NEGR1: variants seen among roughly 807,000 people sequenced by gnomAD.
NEGR1 encodes the protein IgLON family member 4.
Under a neutral mutation model 40.9 loss-of-function variants are expected in NEGR1, and 10 were observed. The ratio of observed to expected loss-of-function variants is 0.24; its 90% CI spans 0.15 to 0.42. NEGR1 has a LOEUF of 0.42. Among genes scored for constraint, NEGR1 ranks in the 10% least tolerant of loss-of-function variants. The pLI is 1.00. For synonymous variants in NEGR1, 185 were observed against 166.8 expected (o/e 1.11, Z -0.84); for missense variants, 352 against 438.9 (o/e 0.80, Z 1.77).
chr1:71,753,062 T>C (rs540278016), intron 3 of NEGR1, among the ~76,000 whole-genome samples: 21 of 152,166 alleles, frequency 1.4e-4, no homozygotes, highest in Non-Finnish European at 2.4e-4. Context: ...ACGACTCAGA[T>C]ACTAGTTGTA....
At chr1:72,176,046 A>T (rs562432185) in intron 1 of NEGR1, among the ~76,000 whole-genome samples, 9 of 152,256 alleles carry the variant, frequency 5.9e-5, no homozygotes, top group African/African-American at 2.2e-4. Context: ...TTTTATGAAG[A>T]CTTTCTCAGA....
chr1:71,425,533 G>T (rs760201974), intron 6 of NEGR1, among the ~76,000 whole-genome samples: 2 of 151,878 alleles, frequency 1.3e-5, no homozygotes, highest in African/African-American at 2.4e-5. Context: ...TTATAAATCC[G>T]GGATTACTCC....
chr1:71,538,228 C>T (rs1168615008), intron 6 of NEGR1, among the ~76,000 whole-genome samples: 1 of 151,510 alleles, frequency 6.6e-6, no homozygotes, highest in Non-Finnish European at 1.5e-5. Context: ...TTGTAATGGC[C>T]CTCTCTATAG....
At chr1:72,076,557 C>T (rs543293473) in intron 1 of NEGR1, among the ~76,000 whole-genome samples, 2 of 146,692 alleles carry the variant, frequency 1.4e-5, no homozygotes, top group South Asian at 4.7e-4. Flanking sequence ...AATTACACCA[C>T]TGGTGATGCT....
intron 6 of NEGR1, among the ~76,000 whole-genome samples, chr1:71,548,245 C>T (rs1647965664): frequency 6.6e-6 from 1 of 151,728 alleles, no homozygotes; most frequent in Admixed American, 6.6e-5. Flanking sequence ...ACTAATACAG[C>T]TCCATCACTT....
chr1:71,452,897 A>T (rs6680889), intron 6 of NEGR1, among the ~76,000 whole-genome samples: 22,655 of 152,074 alleles, frequency 0.15, 1,899 homozygotes, highest in Non-Finnish European at 0.19. Flanking sequence ...AAATACATAT[A>T]ACAGATTTAT....
At chr1:72,170,772 T>C (rs901900732) in intron 1 of NEGR1, among the ~76,000 whole-genome samples, 1 of 152,206 alleles carries the variant, frequency 6.6e-6, no homozygotes, top group African/African-American at 2.4e-5. Flanking sequence ...ACTGTTGTTT[T>C]TGGGTTTCCT....
chr1:71,629,320 T>C lies in NEGR1; in HGVS notation c.668-18174A>G, dbSNP rs961695408. Among the ~76,000 whole-genome samples, 20 of 152,052 alleles carry C rather than the reference T, an allele frequency of 1.3e-4. 1 individual carries two copies. Among genetic ancestry groups the C allele is most frequent in the African/African-American group, 4.3e-4 (18 of 41,408 alleles). Reference sequence around the variant, plus strand: ...GATAGCATTGAATCTATAAATTACTTTGGGCAATATGGCCATTTTCATGAT... The same window carrying C: ...GATAGCATTGAATCTATAAATTACTCTGGGCAATATGGCCATTTTCATGAT... On this transcript the variant is annotated intron_variant, in intron 4 of 6. Transcript: ENST00000357731.
At chr1:71,584,091 G>T (rs959408839) in intron 6 of NEGR1, among the ~76,000 whole-genome samples, 1 of 152,158 alleles carries the variant, frequency 6.6e-6, no homozygotes, top group African/African-American at 2.4e-5. Flanking sequence ...GTCTGGCTTG[G>T]TTTATTCAAA....
intron 1 of NEGR1, among the ~76,000 whole-genome samples, chr1:71,942,076 T>A (rs902684107): frequency 6.6e-6 from 1 of 151,094 alleles, no homozygotes; most frequent in African/African-American, 2.4e-5. Flanking sequence ...TTACTTCTTG[T>A]GTAATAGCAA....
intron 1 of NEGR1, among the ~76,000 whole-genome samples, chr1:72,019,902 T>C (rs1646742157): frequency 6.6e-6 from 1 of 152,216 alleles, no homozygotes; most frequent in Non-Finnish European, 1.5e-5. Flanking sequence ...ATGGAGCGCT[T>C]ATGTGGCTAA....
At chr1:72,106,887 T>C (rs181110978) in intron 1 of NEGR1, among the ~76,000 whole-genome samples, 196 of 152,046 alleles carry the variant, frequency 1.3e-3, no homozygotes, top group Non-Finnish European at 2.4e-3. Flanking sequence ...CAGATATAGA[T>C]ATATGACAAT....
At chr1:72,226,003 T>C (rs1044247416) in intron 1 of NEGR1, among the ~76,000 whole-genome samples, 1 of 151,772 alleles carries the variant, frequency 6.6e-6, no homozygotes, top group Non-Finnish European at 1.5e-5. Flanking sequence ...GACAAAAAAC[T>C]TCAGAAGATG....
intron 2 of NEGR1, among the ~76,000 whole-genome samples, chr1:71,921,694 C>T (rs969598449): frequency 8.6e-6 from 1 of 115,624 alleles, no homozygotes; most frequent in African/African-American, 3.5e-5. Flanking sequence ...AGAATAGATA[C>T]AGTACAAGAA....
At chr1:71,638,932 G>A (rs923393526) in intron 4 of NEGR1, among the ~76,000 whole-genome samples, 1 of 151,724 alleles carries the variant, frequency 6.6e-6, no homozygotes, top group Non-Finnish European at 1.5e-5. Flanking sequence ...GTTATTTGTA[G>A]TTTTTAACAG....
At chr1:71,441,563 A>C (rs1412706995) in intron 6 of NEGR1, among the ~76,000 whole-genome samples, 1 of 152,196 alleles carries the variant, frequency 6.6e-6, no homozygotes, top group Non-Finnish European at 1.5e-5. Context: ...AGACAACAGT[A>C]ATGAAGTAAA....
chr1:72,026,562 T>C (rs146672872), intron 1 of NEGR1, among the ~76,000 whole-genome samples: 1 of 152,074 alleles, frequency 6.6e-6, no homozygotes, highest in African/African-American at 2.4e-5. Flanking sequence ...AAAAAAACCC[T>C]CATTCCTTCT....
intron 6 of NEGR1, among the ~76,000 whole-genome samples, chr1:71,501,062 T>G (rs1646995735): frequency 6.6e-6 from 1 of 152,072 alleles, no homozygotes. Flanking sequence ...AGATTTTGTC[T>G]TATTCCACAA....
intron 1 of NEGR1, among the ~76,000 whole-genome samples, chr1:72,084,008 T>C (rs2100532468): frequency 6.6e-6 from 1 of 152,306 alleles, no homozygotes; most frequent in Admixed American, 6.5e-5. Context: ...ATAGATTCAT[T>C]GTCCTCAGAA....
Sources: gnomAD v4.1 joint callset for allele counts (sites outside exome capture counted in the v4.1 genomes callset) on GRCh38, gnomAD v4.1.1 for gene constraint, MANE v1.5 for transcripts, NCBI Gene and HGNC (gene_info 2026-07-23, HGNC 2026-07-21) for gene names.